The following TENM2 variants were observed in gnomAD, a reference collection of about 807,000 sequenced individuals.
TENM2 encodes teneurin-2.
Under a neutral mutation model 245.2 loss-of-function variants are expected in TENM2, and 52 were observed. The observed-to-expected ratio is 0.21, with a 90% CI of 0.17 to 0.27. TENM2 has a LOEUF of 0.27. Ranked by LOEUF, TENM2 falls within the 10% of genes least tolerant of loss-of-function variation. The pLI is 1.00. For missense variants in TENM2, 3,046 were observed against 3,666.8 expected (o/e 0.83, Z 4.37); for synonymous variants, 1,363 against 1,438.9 (o/e 0.95, Z 1.19).
intron 12 of TENM2, chr5:168,149,511 G>C (rs1756452688): frequency 2.2e-6 from 1 of 454,138 alleles, no homozygotes; most frequent in Non-Finnish European, 4.4e-6. Flanking sequence ...AGGCATGTTA[G>C]GAAAACAGAA....
the TENM2 span, among the ~76,000 whole-genome samples, chr5:167,267,287 C>A: frequency 1.3e-5 from 2 of 152,218 alleles, no homozygotes; most frequent in African/African-American, 2.4e-5. Flanking sequence ...ATCAAGCATG[C>A]CTTTCTTTTC....
At chr5:167,509,303 T>C (rs2127567043) in intron 2 of TENM2, among the ~76,000 whole-genome samples, 1 of 152,364 alleles carries the variant, frequency 6.6e-6, no homozygotes, top group South Asian at 2.1e-4. Context: ...GAAGCAATGC[T>C]GCATTTCCCC....
chr5:167,770,362 G>A (rs1400679815), intron 2 of TENM2, among the ~76,000 whole-genome samples: 1 of 152,152 alleles, frequency 6.6e-6, no homozygotes, highest in Non-Finnish European at 1.5e-5. Flanking sequence ...ACAAGGAGAA[G>A]TTACGGATGG....
chr5:167,259,912 G>C, the TENM2 span, among the ~76,000 whole-genome samples: 3 of 152,286 alleles, frequency 2.0e-5, no homozygotes, highest in African/African-American at 7.2e-5. Context: ...CACGGAAGAA[G>C]AAAGCCTGCT....
chr5:167,607,711 T>A (rs1777156194), intron 2 of TENM2, among the ~76,000 whole-genome samples: 1 of 152,216 alleles, frequency 6.6e-6, no homozygotes, highest in South Asian at 2.1e-4. Context: ...ACGATAGTCA[T>A]TCATGCTATC....
chr5:167,295,101 G>T (rs1356294076), intron 1 of TENM2, among the ~76,000 whole-genome samples: 1 of 152,166 alleles, frequency 6.6e-6, no homozygotes, highest in Non-Finnish European at 1.5e-5. Context: ...GCAGTTTTGT[G>T]CTCTGACTCA....
chr5:167,460,576 A>G (rs1432212005), intron 2 of TENM2, among the ~76,000 whole-genome samples: 1 of 150,046 alleles, frequency 6.7e-6, no homozygotes, highest in Non-Finnish European at 1.5e-5. Flanking sequence ...CATGTCACTG[A>G]TATTTTTAGA....
intron 6 of TENM2, among the ~76,000 whole-genome samples, chr5:168,060,435 C>A (rs1278310774): frequency 6.6e-6 from 1 of 151,884 alleles, no homozygotes; most frequent in African/African-American, 2.4e-5. Flanking sequence ...CAAAACAAAA[C>A]AAAAGTTCAG....
intron 2 of TENM2, among the ~76,000 whole-genome samples, chr5:167,687,470 TG>T (rs1205354481): frequency 1.3e-5 from 2 of 152,288 alleles, no homozygotes; most frequent in Non-Finnish European, 2.9e-5. Flanking sequence ...CTTAGTTATC[TG>T]GGAAAAACTA....
chr5:167,387,236 A>G (rs1761488934), intron 2 of TENM2, among the ~76,000 whole-genome samples: 2 of 148,660 alleles, frequency 1.3e-5, no homozygotes, highest in African/African-American at 5.1e-5. Flanking sequence ...TTGGTTAGGT[A>G]TAATCCTAAG....
chr5:167,545,476 C>A (rs1720205386), intron 2 of TENM2, among the ~76,000 whole-genome samples: 1 of 152,162 alleles, frequency 6.6e-6, no homozygotes, highest in Non-Finnish European at 1.5e-5. Flanking sequence ...AGGGCAGAAT[C>A]TTGCTAGATA....
intron 2 of TENM2, among the ~76,000 whole-genome samples, chr5:167,498,872 T>C (rs534046069): frequency 1.3e-5 from 2 of 152,288 alleles, no homozygotes; most frequent in South Asian, 4.1e-4. Context: ...GACGATATTC[T>C]CTGTATAGGG....
chr5:167,419,666 C>G lies in TENM2; in HGVS notation c.502+44193C>G, dbSNP rs777688021. Among the ~76,000 whole-genome samples the G allele has an allele frequency of 5.1e-4, 78 of 152,234 alleles. 1 individual carries two copies. The highest frequency in any genetic ancestry group is 6.8e-3 in the Middle Eastern group (2 of 294). Reference sequence around the variant, plus strand: ...CTGACTAACACTATGAAAAGTGCATCCATTCTAGAGTCAGACAGGCCTAAG... The same window carrying G: ...CTGACTAACACTATGAAAAGTGCATGCATTCTAGAGTCAGACAGGCCTAAG... On this transcript the variant is annotated intron_variant, in intron 2 of 28. Transcript: ENST00000518659.
intron 2 of TENM2, among the ~76,000 whole-genome samples, chr5:167,658,375 A>AT (rs1240767239): frequency 1.3e-5 from 2 of 151,872 alleles, no homozygotes; most frequent in Non-Finnish European, 1.5e-5. Flanking sequence ...TGCCCAGCTA[A>AT]TTTTGTATTT....
chr5:167,335,404 A>C (rs938359695), intron 1 of TENM2, among the ~76,000 whole-genome samples: 9 of 152,176 alleles, frequency 5.9e-5, no homozygotes, highest in African/African-American at 2.2e-4. Context: ...ACATTTCAAC[A>C]TGAGATTTGA....
chr5:167,108,936 A>G, the TENM2 span, among the ~76,000 whole-genome samples: 3 of 152,186 alleles, frequency 2.0e-5, no homozygotes, highest in Non-Finnish European at 4.4e-5. Context: ...TACCAATCCA[A>G]ATAATGAACT....
intron 2 of TENM2, among the ~76,000 whole-genome samples, chr5:167,732,085 A>G (rs1366820490): frequency 6.6e-6 from 1 of 152,170 alleles, no homozygotes; most frequent in East Asian, 1.9e-4. Context: ...GACTACTAAG[A>G]GGTGGCTTTT....
intron 2 of TENM2, among the ~76,000 whole-genome samples, chr5:167,477,028 A>G (rs1288929013): frequency 6.6e-6 from 1 of 152,238 alleles, no homozygotes. Flanking sequence ...CCATAAAAAA[A>G]GTGATGGTTC....
the TENM2 span, among the ~76,000 whole-genome samples, chr5:167,177,453 C>T: frequency 4.6e-5 from 7 of 152,174 alleles, no homozygotes; most frequent in African/African-American, 7.2e-5. Context: ...AGGCAGAAAA[C>T]ACAGTTCTCT....
Sources: allele counts gnomAD v4.1 joint callset (sites outside exome capture counted in the v4.1 genomes callset), GRCh38; gene constraint gnomAD v4.1.1; transcripts MANE v1.5; gene names NCBI Gene and HGNC (gene_info 2026-07-23, HGNC 2026-07-21).